Variants in TBXAS1 observed in about 807,000 individuals in gnomAD.
The protein encoded by TBXAS1 is thromboxane A synthase 1.
In TBXAS1, 48 loss-of-function variants were observed where a neutral mutation model predicts 60.7. The ratio of observed to expected loss-of-function variants is 0.79; its 90% CI spans 0.63 to 1.01. TBXAS1 has a LOEUF of 1.01. TBXAS1 is among the 50% of genes least tolerant of loss of function. TBXAS1 has a pLI of 0.00. For synonymous variants in TBXAS1, 287 were observed against 269.7 expected (o/e 1.06, Z -0.63); for missense variants, 685 against 686.3 (o/e 1.00, Z 0.02).
At chr7:139,913,208 GAT>G (rs1236782969) in intron 4 of TBXAS1, 2 of 695,748 alleles carry the variant, frequency 2.9e-6, no homozygotes. Context: ...GCTGCCTCTA[GAT>G]TCTCTTTCCC....
In TBXAS1 at chr7:139,805,660, CTCTTTCTTTCTT is replaced by C. The variant is rs755258646; in HGVS notation, c.-80+18278_-80+18289del. On this transcript the variant is annotated intron_variant, in intron 4 of 16. Coordinates refer to the TBXAS1 transcript ENST00000336425. ...CTCCCTCCCTCCCTCCCTTCTTTTT[CTCTTTCTTTCTT>C]TCTTTCTTTCTTTCTTTCTTTCTTT... Among the ~76,000 whole-genome samples the C allele has an allele frequency of 3.9e-3, 395 of 101,458 alleles. 2 individuals carry two copies. The highest frequency in any genetic ancestry group is 7.1e-3 in the South Asian group (21 of 2,976). The allele number at this position is 101,458 out of a possible 152,430, so 66.6% of individuals were successfully genotyped here.
Position 139,961,978 on chromosome 7 carries a change from C to A in TBXAS1, c.879C>A (p.Gly293=), listed in dbSNP as rs781191549. The change falls in exon 9 of 13, where the codon GGC becomes GGA. Residue 293 remains glycine, a synonymous_variant. Transcript: ENST00000448866. ...CCCGACATTCTGCAAGTCCCATGGG[C>A]GTGCAAGACTTTGACATCGTCAGAG... The part of the protein sequence containing the change: ...LDARHSASPM[G]VQDFDIVRDV... The A allele has an allele frequency of 1.9e-6, 3 of 1,614,146 alleles. No homozygotes were observed. The highest frequency in any genetic ancestry group is 1.3e-5 in the African/African-American group (1 of 74,950).
chr7:139,839,727 G>T (rs911552571), intron 1 of TBXAS1, among the ~76,000 whole-genome samples: 1 of 150,464 alleles, frequency 6.6e-6, no homozygotes, highest in Non-Finnish European at 1.5e-5. Flanking sequence ...GTGGTGGTGC[G>T]AGTCTGTAAT....
intron 3 of TBXAS1, among the ~76,000 whole-genome samples, chr7:139,902,002 T>C (rs887588950): frequency 6.6e-5 from 10 of 152,038 alleles, no homozygotes; most frequent in African/African-American, 1.5e-4. Flanking sequence ...GGAAGTCCTA[T>C]GTTCCCATTA....
chr7:139,879,610 T>C (rs1038982506), intron 3 of TBXAS1, among the ~76,000 whole-genome samples: 15 of 152,166 alleles, frequency 9.9e-5, no homozygotes, highest in African/African-American at 3.6e-4. Context: ...TATATACCAA[T>C]ATTGAATATA....
At chr7:139,790,909 C>T (rs1797361984) in intron 4 of TBXAS1, among the ~76,000 whole-genome samples, 1 of 152,130 alleles carries the variant, frequency 6.6e-6, no homozygotes, top group Non-Finnish European at 1.5e-5. Context: ...CTTAAGCAAT[C>T]CTGCCACCTC....
intron 2 of TBXAS1, 106 bp from the exon 3 acceptor site, chr7:139,875,479 G>A: frequency 1.1e-6 from 1 of 927,668 alleles, no homozygotes. Context: ...CTTTTTTATT[G>A]TTTCTGTAAT....
intron 9 of TBXAS1, among the ~76,000 whole-genome samples, chr7:140,003,751 T>G (rs1813862946): frequency 6.6e-6 from 1 of 152,348 alleles, no homozygotes; most frequent in South Asian, 2.1e-4. Context: ...AGTTCCCTAT[T>G]TTTGTGTACC....
chr7:139,871,538 T>A (rs1019359355), intron 1 of TBXAS1, among the ~76,000 whole-genome samples: 2 of 152,222 alleles, frequency 1.3e-5, no homozygotes. Flanking sequence ...ACAGCCACAC[T>A]GCACTTCTCA....
intron 3 of TBXAS1, among the ~76,000 whole-genome samples, chr7:139,904,971 A>C: frequency 1.0e-4 from 14 of 135,236 alleles, no homozygotes; most frequent in South Asian, 4.9e-4. Flanking sequence ...CTCCCTCCCT[A>C]CCTTTCTTTC....
In TBXAS1 at chr7:139,778,619, T is replaced by A. The variant is rs1796864103; in HGVS notation, c.-318+148T>A. ...CGCGGAAATGCAGCCCCCGGGGTGG[T>A]CGCTGGGTTCCTGCCGGAGTCTGGC... On this transcript the variant is annotated intron_variant, in intron 1 of 16. Transcript: ENST00000336425. The surrounding 1 kb of genome is among the most constrained non-coding windows in gnomAD (Gnocchi z 4.8). 6.6e-6 allele frequency: 1 copy of A among 152,382 alleles called. No homozygotes were observed. Among genetic ancestry groups the A allele is most frequent in the African/African-American group, 2.4e-5 (1 of 41,376 alleles). 9.4% of individuals were successfully genotyped at this position (152,382 alleles called of 1,614,324 possible). A position where few individuals can be genotyped will look rare whatever the true frequency, so the allele number is the denominator to read the frequency against.
In TBXAS1 at chr7:139,953,526, G is replaced by T. The variant is rs147759946; in HGVS notation, c.539+70G>T. On this transcript the variant is annotated intron_variant, in intron 6 of 12. Transcript: ENST00000448866. The stretch of plus-strand genomic sequence containing the variant: ...CTGCTTCTTGTAACTGTCCATAATT[G>T]CTGACAATTACCTTGGGACTAGCAA... 9 of 1,440,230 alleles carry T rather than the reference G, an allele frequency of 6.2e-6. No individual in the cohort carries two copies. The East Asian group carries it at 2.0e-4, about 33-fold the overall frequency. The allele number at this position is 1,440,230 out of a possible 1,614,324, so 89.2% of individuals were successfully genotyped here.
chr7:139,904,978 T>TC (rs1804861448), intron 3 of TBXAS1, among the ~76,000 whole-genome samples: 1 of 130,558 alleles, frequency 7.7e-6, no homozygotes, highest in Non-Finnish European at 1.6e-5. Flanking sequence ...CCTACCTTTC[T>TC]TTCTCTTTCT....
chr7:139,924,783 G>C (rs957133732), intron 4 of TBXAS1, among the ~76,000 whole-genome samples: 2 of 152,166 alleles, frequency 1.3e-5, no homozygotes, highest in African/African-American at 4.8e-5. Flanking sequence ...TAATTTCATA[G>C]TTTGAGGACT....
At chr7:139,781,645 A>G (rs1437722708) in intron 2 of TBXAS1, among the ~76,000 whole-genome samples, 1 of 152,066 alleles carries the variant, frequency 6.6e-6, no homozygotes, top group African/African-American at 2.4e-5. Context: ...CAGCCTGGCC[A>G]ACATGATGAA....
rs982606220 is a variant in TBXAS1 at position 139,864,472 on chromosome 7, C to G, written c.90-7763C>G. On this transcript the variant is annotated intron_variant, in intron 1 of 12. Transcript: ENST00000448866. ...ACATTTAATGCAATTCCAGAAAAAT[C>G]CAAATAGCATTTTCTCATCAAATCA... is the stretch of plus-strand genomic sequence containing the variant. Among the ~76,000 whole-genome samples the G allele has an allele frequency of 2.6e-5, 4 of 151,760 alleles. No homozygotes were observed. The East Asian group carries it at 7.8e-4, about 29-fold the overall frequency.
chr7:139,993,772 C>A (rs60770631), intron 9 of TBXAS1, among the ~76,000 whole-genome samples: 33,559 of 152,090 alleles, frequency 0.22, 4,258 homozygotes, highest in African/African-American at 0.35. Context: ...CTGCCCCCTC[C>A]TTTGCTGTGC....
At chr7:139,801,357 AAT>A (rs1420562026) in intron 4 of TBXAS1, among the ~76,000 whole-genome samples, 1 of 152,110 alleles carries the variant, frequency 6.6e-6, no homozygotes, top group Non-Finnish European at 1.5e-5. Context: ...TTTCTTTTCT[AAT>A]ATCTTTAAAT....
At chr7:139,934,531 C>T (rs1367522229) in intron 4 of TBXAS1, among the ~76,000 whole-genome samples, 1 of 152,168 alleles carries the variant, frequency 6.6e-6, no homozygotes, top group Non-Finnish European at 1.5e-5. Context: ...ACTTCTTGAA[C>T]CCCGTATTAG....
Sources: gnomAD v4.1 joint callset for allele counts (sites outside exome capture counted in the v4.1 genomes callset) on GRCh38, gnomAD v4.1.1 for gene constraint, Gnocchi (gnomAD v3.1) non-coding constraint, MANE v1.5 for transcripts, NCBI Gene and HGNC (gene_info 2026-07-23, HGNC 2026-07-21) for gene names.